Variants in HDGFL2 observed in about 807,000 individuals in gnomAD.
The protein encoded by HDGFL2 is HDGF like 2.
Under a neutral mutation model 77.1 loss-of-function variants are expected in HDGFL2, and 36 were observed. The observed-to-expected ratio is 0.47, with a 90% confidence interval of 0.36 to 0.62. The LOEUF is 0.62. HDGFL2 is among the 20% of genes least tolerant of loss of function. The pLI, the probability that HDGFL2 is intolerant of heterozygous loss-of-function variation, is 0.00. For missense variants in HDGFL2, 976 were observed against 973.4 expected (o/e 1.00, Z -0.04); for synonymous variants, 463 against 413.1 (o/e 1.12, Z -1.46).
At chr19:4,477,318 G>A (rs4292029) in intron 3 of HDGFL2, among the ~76,000 whole-genome samples, 150,000 of 152,272 alleles carry the variant, frequency 0.99, 73,897 homozygotes, top group Non-Finnish European at 0.99. Flanking sequence ...TTCACTCAAC[G>A]GATGTCCCTT....
At chr19:4,501,601 C>G (rs1354100302) in intron 15 of HDGFL2, 5 of 477,440 alleles carry the variant, frequency 1.0e-5, no homozygotes, top group African/African-American at 2.0e-5. Flanking sequence ...TAGGTAGGCC[C>G]CGAGCACGGG....
Position 4,499,480 on chromosome 19 carries a change from TTGG to T in HDGFL2, c.1576-7_1576-5del, listed in dbSNP as rs755062884. 3.1e-6 allele frequency: 5 copies of T among 1,610,986 alleles called. No homozygotes were observed. Among genetic ancestry groups the T allele is most frequent in the African/African-American group, 1.3e-5 (1 of 74,860 alleles). ...ACTTGGGTGAGCCAGGCCTCTTCTC[TTGG>T]TGGCCAGATTCGCCGTTACAAAGCG... On this transcript the variant is annotated splice_region_variant and splice_polypyrimidine_tract_variant and intron_variant, in intron 13 of 15. Coordinates refer to ENST00000616600, the MANE Select transcript of HDGFL2 (RefSeq NM_001001520.3).
intron 3 of HDGFL2, among the ~76,000 whole-genome samples, chr19:4,483,298 G>T (rs1975268890): frequency 6.6e-6 from 1 of 152,164 alleles, no homozygotes; most frequent in Admixed American, 6.5e-5. Context: ...CTAGCCTGCG[G>T]CTGTGCGCAC....
chr19:4,497,420 A>C lies in HDGFL2; in HGVS notation c.1329-538A>C, dbSNP rs114350448. Reference sequence around the variant, plus strand: ...CACCGTGTTGGCCAGGATGGTCTCTATCTCCTAAACTCATGATCCCCCCGC... The same window carrying C: ...CACCGTGTTGGCCAGGATGGTCTCTCTCTCCTAAACTCATGATCCCCCCGC... On this transcript the variant is annotated intron_variant, in intron 10 of 15. Coordinates refer to ENST00000616600, the MANE Select transcript of HDGFL2 (RefSeq NM_001001520.3). 4.6e-3 allele frequency: 1,396 copies of C among 303,382 alleles called. 17 individuals are homozygous for C. Among genetic ancestry groups the C allele is most frequent in the African/African-American group, 0.025 (1,090 of 43,770 alleles). 18.8% of individuals were successfully genotyped at this position (303,382 alleles called of 1,614,324 possible).
At chr19:4,478,259 G>A (rs1975123746) in intron 3 of HDGFL2, among the ~76,000 whole-genome samples, 1 of 150,370 alleles carries the variant, frequency 6.7e-6, no homozygotes, top group South Asian at 2.1e-4. Flanking sequence ...CTGGAGTGCA[G>A]TGGTGTGGTC....
chr19:4,484,928 C>T (rs1476514358), intron 3 of HDGFL2, among the ~76,000 whole-genome samples: 15 of 152,002 alleles, frequency 9.9e-5, no homozygotes, highest in Admixed American at 5.9e-4. Flanking sequence ...GCCTCGGCCT[C>T]CCAAAGTGCT....
At chr19:4,498,131 T>C in intron 11 of HDGFL2, 100 bp downstream of exon 11, 1 of 1,251,942 alleles carries the variant, frequency 8.0e-7, no homozygotes, top group East Asian at 2.5e-5. Flanking sequence ...CTAGAGAGGG[T>C]GCTCAGCACA....
chr19:4,499,671 C>A lies in HDGFL2; in HGVS notation c.1756C>A (p.Pro586Thr), dbSNP rs774264404. Residue 586 changes from proline to threonine, a missense_variant, in exon 14 of 16, where the codon CCC (proline) becomes ACC (threonine). Pro to Thr is a conservative substitution (Grantham distance 38). This residue lies in a region of HDGFL2 where 229 missense variants were observed against 187.3 expected (regional missense o/e 1.22). Coordinates refer to ENST00000616600, the MANE Select transcript of HDGFL2 (RefSeq NM_001001520.3). ...GGAGGAGCTGGCCGGGGAGGAGGCCCCCCAGGAGAAGGCGGAGGACAAGCC... is the reference window on the plus strand; with the variant it reads ...GGAGGAGCTGGCCGGGGAGGAGGCCACCCAGGAGAAGGCGGAGGACAAGCC... ...AGEELAGEEAPQEKAEDKPST... is the reference protein window; with the variant it reads ...AGEELAGEEATQEKAEDKPST... The A allele has an allele frequency of 1.9e-5, 29 of 1,561,918 alleles. 1 individual carries two copies. In the South Asian group the frequency reaches 3.4e-4, roughly 18 times the overall value.
intron 6 of HDGFL2, among the ~76,000 whole-genome samples, chr19:4,492,235 G>A (rs1389794900): frequency 6.6e-6 from 1 of 152,054 alleles, no homozygotes; most frequent in Admixed American, 6.6e-5. Context: ...GTGTGTGTGT[G>A]TACTTGTGTG....
chr19:4,498,676 G>C (rs1975773747), intron 12 of HDGFL2, 138 bp from the exon 13 acceptor site: 1 of 639,134 alleles, frequency 1.6e-6, no homozygotes, highest in African/African-American at 1.8e-5. Flanking sequence ...CAACTGGACG[G>C]GGGCTGAGGG....
chr19:4,497,100 C>G (rs922350499), intron 10 of HDGFL2: 1 of 433,256 alleles, frequency 2.3e-6, no homozygotes, highest in African/African-American at 2.0e-5. Flanking sequence ...GTCTCGATCT[C>G]CTGACCCCGT....
chr19:4,498,139 AC>A, intron 11 of HDGFL2, 108 bp downstream of exon 11: 1 of 1,242,356 alleles, frequency 8.0e-7, no homozygotes, highest in South Asian at 1.3e-5. Flanking sequence ...GGTGCTCAGC[AC>A]ATCCTCGGCC....
intron 3 of HDGFL2, among the ~76,000 whole-genome samples, chr19:4,484,057 G>A (rs571932518): frequency 1.3e-5 from 2 of 150,942 alleles, no homozygotes; most frequent in South Asian, 4.2e-4. Flanking sequence ...CCAAAGTGTT[G>A]GGATTACAGG....
At chr19:4,477,847 T>C (rs1975109532) in intron 3 of HDGFL2, among the ~76,000 whole-genome samples, 1 of 152,036 alleles carries the variant, frequency 6.6e-6, no homozygotes, top group South Asian at 2.1e-4. Context: ...TTTGGGAGGC[T>C]GTGGCTGGTG....
chr19:4,500,287 C>CT lies in HDGFL2; in HGVS notation c.1789+589dup, dbSNP rs1246578945. 6.6e-5 allele frequency among the ~76,000 whole-genome samples: 10 copies of CT among 151,930 alleles called. No homozygotes were observed. The East Asian group carries it at 1.4e-3, about 21-fold the overall frequency. On this transcript the variant is annotated intron_variant, in intron 14 of 15. Transcript: ENST00000616600. ...AGCCGAAGGCTAGTGTCTTTTTTTT[C>CT]TTTTTTCTTTTTTTTCTGAGATGGG... is the stretch of plus-strand genomic sequence containing the variant.
In HDGFL2 at chr19:4,494,194, G is replaced by A; in HGVS notation, c.943G>A (p.Glu315Lys). The change falls in exon 9 of 16, where the codon GAG becomes AAG. Residue 315 changes from glutamate to lysine, a missense_variant. Coordinates refer to ENST00000616600, the MANE Select transcript of HDGFL2 (RefSeq NM_001001520.3). ...SDSDEVDRIS[E>K]WKRRDEARRR... is the part of the protein sequence containing the mutation. Reference sequence around the variant, plus strand: ...CAGCGACGAGGTGGACCGCATCAGTGAGTGGAAGCGGCGGGACGAGGCGCG... The same window carrying A: ...CAGCGACGAGGTGGACCGCATCAGTAAGTGGAAGCGGCGGGACGAGGCGCG... The A allele has an allele frequency of 6.7e-7, 1 of 1,489,074 alleles. No homozygotes were observed. The highest frequency in any genetic ancestry group is 8.9e-7 in the Non-Finnish European group (1 of 1,123,462). 92.2% of individuals were successfully genotyped at this position (1,489,074 alleles called of 1,614,324 possible).
chr19:4,491,254 CCCCCCCA>C (rs1975500610), intron 4 of HDGFL2, among the ~76,000 whole-genome samples: 11 of 72,818 alleles, frequency 1.5e-4, no homozygotes, highest in African/African-American at 3.3e-4. Flanking sequence ...CCACCACCCA[CCCCCCCA>C]CCCCCCCACC....
At position 4,493,860 on chromosome 19, in the gene HDGFL2, C is replaced by T; in HGVS notation, c.836C>T (p.Pro279Leu). ...SVKKPPRGRK[P>L]AEKPLPKPRG... ...AAGAAGCCTCCGAGGGGCAGGAAGC[C>T]AGGTAGGGCCCTCGTGCTCGCACAT... Residue 279 changes from proline (P) to leucine (L), a missense_variant and splice_region_variant, in exon 7 of 16, where the codon CCA (proline) becomes CTA (leucine). Physicochemically the swap from Pro to Leu is moderately conservative, Grantham distance 98. This residue lies in a region of HDGFL2 where 567 missense variants were observed against 534.7 expected (regional missense o/e 1.06). Transcript: ENST00000616600. The T allele has an allele frequency of 1.3e-6, 2 of 1,504,294 alleles. No individual in the cohort carries two copies. Among genetic ancestry groups the T allele is most frequent in the Non-Finnish European group, 1.8e-6 (2 of 1,119,426 alleles). 93.2% of individuals were successfully genotyped at this position (1,504,294 alleles called of 1,614,324 possible).
intron 3 of HDGFL2, among the ~76,000 whole-genome samples, chr19:4,485,534 T>G (rs1342476642): frequency 6.6e-6 from 1 of 151,058 alleles, no homozygotes; most frequent in Non-Finnish European, 1.5e-5. Context: ...GTCAGGAGAT[T>G]GAGACCATCC....
Sources: gnomAD v4.1 joint callset for allele counts (sites outside exome capture counted in the v4.1 genomes callset) on GRCh38, gnomAD v4.1.1 for gene constraint, gnomAD v4.1.1 regional missense constraint, MANE v1.5 for transcripts, NCBI Gene and HGNC (gene_info 2026-07-23, HGNC 2026-07-21) for gene names.